ZDHHC11B: variants seen among roughly 807,000 people sequenced by gnomAD.
The protein encoded by ZDHHC11B is probable palmitoyltransferase ZDHHC11B.
In ZDHHC11B, 17 loss-of-function variants were observed where a neutral mutation model predicts 42.3. That is an observed-to-expected ratio of 0.40 (90% CI 0.27 to 0.60). The LOEUF (loss-of-function observed/expected upper bound fraction) is 0.60, where lower values mean the gene tolerates loss of function less well. Among genes scored for constraint, ZDHHC11B ranks in the 20% least tolerant of loss-of-function variants. The pLI, the probability that ZDHHC11B is intolerant of heterozygous loss-of-function variation, is 0.41. For missense variants in ZDHHC11B, 262 were observed against 463.2 expected (o/e 0.57, Z 3.99); for synonymous variants, 123 against 193.5 (o/e 0.64, Z 3.02).
intron 10 of ZDHHC11B, among the ~76,000 whole-genome samples, chr5:736,364 A>G (rs541467657): frequency 1.3e-5 from 2 of 150,032 alleles, no homozygotes; most frequent in South Asian, 4.4e-4. Flanking sequence ...TGAAAACACA[A>G]TTATAGTGAC....
At chr5:754,657 C>A (rs1380175535) in intron 6 of ZDHHC11B, among the ~76,000 whole-genome samples, 1 of 95,982 alleles carries the variant, frequency 1.0e-5, no homozygotes, top group Non-Finnish European at 2.2e-5. Context: ...GTGGCCCCAC[C>A]CTTGTGCTGG....
At chr5:770,986 G>A (rs1735981636) in intron 1 of ZDHHC11B, among the ~76,000 whole-genome samples, 2 of 151,890 alleles carry the variant, frequency 1.3e-5, no homozygotes, top group African/African-American at 4.8e-5. Context: ...GACCCAGTCA[G>A]GCCCTGAAGG....
intron 12 of ZDHHC11B, among the ~76,000 whole-genome samples, chr5:721,136 G>A (rs1742149312): frequency 6.6e-6 from 1 of 151,526 alleles, no homozygotes; most frequent in Non-Finnish European, 1.5e-5. Context: ...TCAAACTAGG[G>A]TGTTATACAT....
intron 1 of ZDHHC11B, among the ~76,000 whole-genome samples, chr5:773,630 A>C (rs1736232536): frequency 6.6e-6 from 1 of 151,646 alleles, no homozygotes; most frequent in African/African-American, 2.4e-5. Context: ...ACTGGCCAGC[A>C]CCTCCCTGGT....
intron 1 of ZDHHC11B, among the ~76,000 whole-genome samples, chr5:783,216 G>C (rs1288879043): frequency 4.6e-5 from 7 of 152,154 alleles, no homozygotes; most frequent in Non-Finnish European, 8.8e-5. Flanking sequence ...TTCTGCAGCC[G>C]CTCCGGGAGC....
intron 9 of ZDHHC11B, among the ~76,000 whole-genome samples, chr5:743,865 C>T (rs576779049): frequency 2.0e-5 from 3 of 149,844 alleles, no homozygotes; most frequent in East Asian, 2.0e-4. Flanking sequence ...TTCCCTGCTG[C>T]GCTGGGCTGG....
chr5:713,569 T>C (rs1741524107), intron 13 of ZDHHC11B, among the ~76,000 whole-genome samples: 1 of 152,028 alleles, frequency 6.6e-6, no homozygotes, highest in Non-Finnish European at 1.5e-5. Context: ...CTTTGAGGCT[T>C]AGGATGAAGG....
intron 1 of ZDHHC11B, among the ~76,000 whole-genome samples, chr5:783,498 G>A (rs1471645561): frequency 7.2e-5 from 11 of 152,164 alleles, no homozygotes; most frequent in Non-Finnish European, 1.6e-4. Context: ...GGTGGCCGGG[G>A]TGGGCGGAGG....
At chr5:769,194 T>C (rs1371468572) in intron 1 of ZDHHC11B, among the ~76,000 whole-genome samples, 1 of 109,036 alleles carries the variant, frequency 9.2e-6, no homozygotes, top group Non-Finnish European at 2.0e-5. Context: ...AGCAATACTT[T>C]GAGAACATTT....
intron 1 of ZDHHC11B, among the ~76,000 whole-genome samples, chr5:777,528 G>T (rs146489421): frequency 6.6e-6 from 1 of 151,818 alleles, no homozygotes; most frequent in African/African-American, 2.4e-5. Flanking sequence ...TTTCCACAGC[G>T]GAGAAGAGAA....
intron 1 of ZDHHC11B, among the ~76,000 whole-genome samples, chr5:770,627 G>C (rs1735941062): frequency 6.6e-6 from 1 of 152,028 alleles, no homozygotes; most frequent in Non-Finnish European, 1.5e-5. Flanking sequence ...TCGTGCGACA[G>C]CCGCTCCCTC....
In ZDHHC11B at chr5:751,648, TGAGA is replaced by T. The variant is rs3034457; in HGVS notation, c.504-395_504-392del. On this transcript the variant is annotated intron_variant, in intron 6 of 13. Coordinates refer to ENST00000508859, the MANE Select transcript of ZDHHC11B (RefSeq NM_001351303.2). ...TGACAGGTCAGCGTGGGCGTCCACT[TGAGA>T]GAGGGCTCCTGGCCACTGCCCGATG... 9.1e-4 allele frequency among the ~76,000 whole-genome samples: 116 copies of T among 127,550 alleles called. 20 individuals carry two copies. The South Asian group carries it at 0.012, about 13-fold the overall frequency. The allele number at this position is 127,550 out of a possible 152,430, so 83.7% of individuals were successfully genotyped here.
chr5:761,706 C>T (rs1299194642), intron 4 of ZDHHC11B, among the ~76,000 whole-genome samples: 1 of 151,864 alleles, frequency 6.6e-6, no homozygotes, highest in African/African-American at 2.4e-5. Context: ...ATGGAACCCC[C>T]ACTCTGGTGA....
chr5:729,109 G>C (rs1343734193), intron 12 of ZDHHC11B, among the ~76,000 whole-genome samples: 2 of 151,448 alleles, frequency 1.3e-5, no homozygotes, highest in African/African-American at 4.9e-5. Context: ...AGACCGGGAG[G>C]CATGCGGTGA....
At chr5:754,507 T>TGAGC (rs1746314186) in intron 6 of ZDHHC11B, among the ~76,000 whole-genome samples, 6 of 48,722 alleles carry the variant, frequency 1.2e-4, no homozygotes, top group East Asian at 1.1e-3. Flanking sequence ...CTTCCTTGCA[T>TGAGC]CTCCACCGTG....
Position 712,822 on chromosome 5 carries a change from T to C in ZDHHC11B, c.*8-540A>G, listed in dbSNP as rs914976421. 1.3e-5 allele frequency among the ~76,000 whole-genome samples: 2 copies of C among 151,712 alleles called. 1 individual carries two copies. The highest frequency in any genetic ancestry group is 4.8e-5 in the African/African-American group (2 of 41,264). On this transcript the variant is annotated intron_variant, in intron 13 of 13. Transcript: ENST00000508859. ...TACATGGGAGGCTGAGGCAGGAGAA[T>C]GTTGTGAACCCGGGAGGCGGAGTTT...
At chr5:734,142 G>A (rs569868746) in intron 10 of ZDHHC11B, among the ~76,000 whole-genome samples, 2 of 131,568 alleles carry the variant, frequency 1.5e-5, no homozygotes, top group Non-Finnish European at 3.3e-5. Flanking sequence ...GTTCTGAAGA[G>A]TGATGGCAGA....
intron 7 of ZDHHC11B, among the ~76,000 whole-genome samples, chr5:749,845 G>A (rs1745373113): frequency 8.1e-6 from 1 of 122,896 alleles, no homozygotes; most frequent in South Asian, 3.5e-4. Flanking sequence ...GGAGAAGAAC[G>A]CAACAGGCAT....
At chr5:776,338 A>G (rs531934932) in intron 1 of ZDHHC11B, among the ~76,000 whole-genome samples, 15 of 151,958 alleles carry the variant, frequency 9.9e-5, no homozygotes, top group Non-Finnish European at 1.6e-4. Context: ...TGCAACGCCC[A>G]GTGCTCCATC....
Sources: gnomAD v4.1 joint callset for allele counts (sites outside exome capture counted in the v4.1 genomes callset) on GRCh38, gnomAD v4.1.1 for gene constraint, MANE v1.5 for transcripts, NCBI Gene and HGNC (gene_info 2026-07-23, HGNC 2026-07-21) for gene names.